The following RPTOR variants were observed in gnomAD, a reference collection of about 807,000 sequenced individuals.
The protein encoded by RPTOR is regulatory associated protein of MTOR complex 1.
In RPTOR, 21 loss-of-function variants were observed where a neutral mutation model predicts 169.9. That is an observed-to-expected ratio of 0.12 (90% CI 0.09 to 0.18). The LOEUF (loss-of-function observed/expected upper bound fraction) is 0.18, where lower values mean the gene tolerates loss of function less well. Among genes scored for constraint, RPTOR ranks in the 10% least tolerant of loss-of-function variants. The probability of loss-of-function intolerance (pLI) is 1.00; values close to 1 mark genes in which losing one functional copy is unlikely to be tolerated. For missense variants in RPTOR, 1,133 were observed against 1,855.9 expected (o/e 0.61, Z 7.16); for synonymous variants, 732 against 753.2 (o/e 0.97, Z 0.46).
intron 1 of RPTOR, chr17:80,593,950 G>A (rs56698771): frequency 0.37 from 56,730 of 151,992 alleles, 10,756 homozygotes; most frequent in Middle Eastern, 0.4. Context: ...TAAAGAGTGT[G>A]AAGGGACCTT....
chr17:80,681,625 AC>A, intron 3 of RPTOR, among the ~76,000 whole-genome samples: 1 of 142,488 alleles, frequency 7.0e-6, no homozygotes, highest in Non-Finnish European at 1.5e-5. Context: ...CGTCTCTTAC[AC>A]CTTCATGAGG....
intron 1 of RPTOR, among the ~76,000 whole-genome samples, chr17:80,561,261 A>ATG (rs1232908739): frequency 0.019 from 103 of 5,476 alleles, 1 homozygote; most frequent in South Asian, 0.056. Flanking sequence ...GTATATATAT[A>ATG]TGTATATATA....
intron 10 of RPTOR, among the ~76,000 whole-genome samples, chr17:80,841,550 ACT>A (rs1351603565): frequency 9.1e-6 from 1 of 109,786 alleles, no homozygotes; most frequent in Non-Finnish European, 1.8e-5. Context: ...ACGGCAGCTC[ACT>A]CTCACCGCAC....
At chr17:80,681,055 T>C (rs2065894376) in intron 3 of RPTOR, among the ~76,000 whole-genome samples, 1 of 152,018 alleles carries the variant, frequency 6.6e-6, no homozygotes, top group African/African-American at 2.4e-5. Flanking sequence ...CTTCAAGGCA[T>C]GCATGGGTTT....
rs996093846 is a variant in RPTOR, at chr17:80,917,562, C to A, written c.2521-5162C>A. ...CCTGAATCGTAAGGATTTCTTAATTCAGCATGTTTGCAATTAACCTCTAGA... is the reference window on the plus strand; with the variant it reads ...CCTGAATCGTAAGGATTTCTTAATTAAGCATGTTTGCAATTAACCTCTAGA... On this transcript the variant is annotated intron_variant, in intron 21 of 33. Transcript: ENST00000306801. 3.9e-5 allele frequency among the ~76,000 whole-genome samples: 6 copies of A among 152,238 alleles called. No homozygotes were observed. In the South Asian group the frequency reaches 6.2e-4, roughly 16 times the overall value.
intron 14 of RPTOR, 87 bp downstream of exon 14, chr17:80,880,576 C>A: frequency 7.8e-7 from 1 of 1,281,944 alleles, no homozygotes; most frequent in Non-Finnish European, 1.1e-6. Flanking sequence ...GGCCTTTTGA[C>A]GGGGGCTACA....
Position 80,730,532 on chromosome 17 carries a change from T to C in RPTOR, c.508-28T>C, listed in dbSNP as rs377667684. ...AGCCCATATTCCTGAGACGCACATG[T>C]AACGAGCGCACTTTGTGTGTTTTCT... On this transcript the variant is annotated intron_variant, in intron 4 of 33. Coordinates refer to ENST00000306801, the MANE Select transcript of RPTOR (RefSeq NM_020761.3). This position sits in a 1 kb window ranked among gnomAD's most constrained non-coding sequence, Gnocchi z 4.2. 3.4e-4 allele frequency: 546 copies of C among 1,607,194 alleles called. 1 individual carries two copies. The highest frequency in any genetic ancestry group is 4.2e-4 in the Non-Finnish European group (496 of 1,174,146).
intron 20 of RPTOR, among the ~76,000 whole-genome samples, chr17:80,901,120 C>T (rs534123473): frequency 3.9e-5 from 6 of 152,172 alleles, no homozygotes; most frequent in Non-Finnish European, 8.8e-5. Context: ...CCCCGCCCAA[C>T]TCCTGTGTGA....
rs1246891289 is a variant in RPTOR, at chr17:80,960,428, C to T, written c.3605+223C>T. Reference sequence around the variant, plus strand: ...AAAGGTCTGCCCCACAGAGGTCCACCCCACAGCCTATGGAGGAGCACAGGG... The same window carrying T: ...AAAGGTCTGCCCCACAGAGGTCCACTCCACAGCCTATGGAGGAGCACAGGG... On this transcript the variant is annotated intron_variant, in intron 30 of 33. Coordinates refer to ENST00000306801, the MANE Select transcript of RPTOR (RefSeq NM_020761.3). The surrounding 1 kb of genome is among the most constrained non-coding windows in gnomAD (Gnocchi z 4.8). 1.3e-5 allele frequency among the ~76,000 whole-genome samples: 2 copies of T among 152,374 alleles called. No homozygotes were observed. The highest frequency in any genetic ancestry group is 4.8e-5 in the African/African-American group (2 of 41,592).
chr17:80,691,364 T>C (rs1333160137), intron 3 of RPTOR, among the ~76,000 whole-genome samples: 1 of 151,788 alleles, frequency 6.6e-6, no homozygotes, highest in Non-Finnish European at 1.5e-5. Context: ...GCCACCCTGT[T>C]GAAGGCACTA....
At chr17:80,822,364 CT>C (rs2067388904) in intron 8 of RPTOR, 63 bp downstream of exon 8, 2 of 1,496,218 alleles carry the variant, frequency 1.3e-6, no homozygotes, top group Admixed American at 1.7e-5. Context: ...GGAGCCGACT[CT>C]CGGACATGAG....
intron 1 of RPTOR, among the ~76,000 whole-genome samples, chr17:80,615,076 G>A (rs74000819): frequency 0.026 from 3,895 of 152,226 alleles, 174 homozygotes; most frequent in African/African-American, 0.089. Flanking sequence ...GGCAGAAAAA[G>A]CCATTCGGAG....
In RPTOR at chr17:80,767,010, A is replaced by G. The variant is rs140799368; in HGVS notation, c.830+12825A>G. 2.4e-3 allele frequency among the ~76,000 whole-genome samples: 367 copies of G among 152,320 alleles called. 1 individual carries two copies. The highest frequency in any genetic ancestry group is 4.5e-3 in the Non-Finnish European group (307 of 67,994). ...TTTTTCTAGAGTGCTCAAGAAAAAT[A>G]GAAGGAAGATACAAATGACTTTCAT... On this transcript the variant is annotated intron_variant, in intron 6 of 33. Transcript: ENST00000306801.
At chr17:80,751,776 G>A (rs932974995) in intron 5 of RPTOR, among the ~76,000 whole-genome samples, 4 of 152,166 alleles carry the variant, frequency 2.6e-5, no homozygotes, top group Admixed American at 6.5e-5. Flanking sequence ...CACAAACAGC[G>A]TCCAGGCCCT....
intron 5 of RPTOR, among the ~76,000 whole-genome samples, chr17:80,743,862 G>T (rs2066520384): frequency 8.3e-6 from 1 of 121,184 alleles, no homozygotes; most frequent in African/African-American, 3.4e-5. Flanking sequence ...CAGAGCCCTG[G>T]CTACTAGCAC....
intron 1 of RPTOR, among the ~76,000 whole-genome samples, chr17:80,574,264 A>T (rs890203690): frequency 2.1e-5 from 3 of 145,134 alleles, no homozygotes; most frequent in African/African-American, 7.7e-5. Flanking sequence ...TCCCGGGTTC[A>T]CGCCATTCTC....
intron 6 of RPTOR, among the ~76,000 whole-genome samples, chr17:80,759,945 G>A (rs1295119061): frequency 4.6e-5 from 7 of 152,106 alleles, no homozygotes; most frequent in African/African-American, 7.2e-5. Flanking sequence ...TGATGTAAGT[G>A]GACAGAATTT....
At chr17:80,736,995 G>A (rs1169797581) in intron 5 of RPTOR, among the ~76,000 whole-genome samples, 1 of 152,160 alleles carries the variant, frequency 6.6e-6, no homozygotes, top group Non-Finnish European at 1.5e-5. Flanking sequence ...GTCATTTGTA[G>A]GCAGTAGGGA....
chr17:80,836,791 G>A (rs1018938006), intron 9 of RPTOR, among the ~76,000 whole-genome samples: 50 of 152,182 alleles, frequency 3.3e-4, no homozygotes, highest in African/African-American at 1.2e-3. Flanking sequence ...GGAAAGTGGC[G>A]ATGGTGGCTG....
Sources: gnomAD v4.1 joint callset for allele counts (sites outside exome capture counted in the v4.1 genomes callset) on GRCh38, gnomAD v4.1.1 for gene constraint, Gnocchi (gnomAD v3.1) non-coding constraint, MANE v1.5 for transcripts, NCBI Gene and HGNC (gene_info 2026-07-23, HGNC 2026-07-21) for gene names.